Variants in SORCS2 observed in about 807,000 individuals in gnomAD.
The protein encoded by SORCS2 is sortilin related VPS10 domain containing receptor 2, also known as VPS10 domain-containing receptor SorCS2.
SORCS2 carries 100 observed loss-of-function variants against 141.6 expected under a neutral mutation model. The observed-to-expected ratio is 0.71, with a 90% CI of 0.60 to 0.83. The LOEUF (loss-of-function observed/expected upper bound fraction) is 0.83. SORCS2 is among the 40% of genes least tolerant of loss of function. The pLI, the probability that SORCS2 is intolerant of heterozygous loss-of-function variation, is 0.00. For synonymous variants in SORCS2, 789 were observed against 676.9 expected (o/e 1.17, Z -2.57); for missense variants, 1,646 against 1,560.2 (o/e 1.05, Z -0.93).
At chr4:7,451,837 C>G (rs537466408) in intron 2 of SORCS2, among the ~76,000 whole-genome samples, 2 of 152,202 alleles carry the variant, frequency 1.3e-5, no homozygotes, top group African/African-American at 4.8e-5. Context: ...GATGCTGAAG[C>G]CCCTCCAGGC....
chr4:7,600,324 C>T (rs1017806875), intron 3 of SORCS2, among the ~76,000 whole-genome samples: 4 of 152,128 alleles, frequency 2.6e-5, no homozygotes, highest in African/African-American at 9.7e-5. Flanking sequence ...ATCAAGGTGT[C>T]GCTGCTACAG....
intron 2 of SORCS2, among the ~76,000 whole-genome samples, chr4:7,404,853 G>A (rs931115417): frequency 6.6e-6 from 1 of 152,012 alleles, no homozygotes; most frequent in African/African-American, 2.4e-5. Context: ...AAGCTTTTCA[G>A]TTTAATTAAG....
At chr4:7,443,902 C>T (rs33998463) in intron 2 of SORCS2, among the ~76,000 whole-genome samples, 5,130 of 152,338 alleles carry the variant, frequency 0.034, 121 homozygotes, top group Non-Finnish European at 0.057. Flanking sequence ...GCCTCCACCT[C>T]CCTGGCCTGG....
chr4:7,579,928 T>A (rs1716033483), intron 3 of SORCS2, among the ~76,000 whole-genome samples: 1 of 152,162 alleles, frequency 6.6e-6, no homozygotes, highest in African/African-American at 2.4e-5. Context: ...TGGCATGATG[T>A]GTTCATGCAG....
At position 7,725,285 on chromosome 4, in the gene SORCS2, C is replaced by T; in HGVS notation, c.2743C>T (p.Gln915Ter). ...VFYWWIGHSL[Q>*]PLLSLDNSVT... ...CTACTGGTGGATCGGCCACAGCCTG[C>T]AGGTGCGCTGGCTTTGCCCCAACTC... The change falls in exon 20 of 27, where the codon CAG becomes TAG. Residue 915 changes from glutamine (Q) to a stop codon, truncating the protein, a stop_gained and splice_region_variant. Transcript: ENST00000507866. LOFTEE classifies it high-confidence loss of function. 6.2e-7 allele frequency: 1 copy of T among 1,612,438 alleles called. No individual in the cohort carries two copies. Among genetic ancestry groups the T allele is most frequent in the Non-Finnish European group, 8.5e-7 (1 of 1,179,252 alleles).
intron 8 of SORCS2, among the ~76,000 whole-genome samples, chr4:7,673,964 C>A (rs544884388): frequency 6.6e-6 from 1 of 152,326 alleles, no homozygotes; most frequent in African/African-American, 2.4e-5. Flanking sequence ...AGCAGAATGA[C>A]CAACGCCCGG....
At chr4:7,612,058 C>A (rs577066541) in intron 3 of SORCS2, among the ~76,000 whole-genome samples, 1 of 152,310 alleles carries the variant, frequency 6.6e-6, no homozygotes, top group Admixed American at 6.5e-5. Context: ...CGGAAGGTGA[C>A]ACATGTAGCT....
chr4:7,249,967 C>T (rs962757392), intron 1 of SORCS2, among the ~76,000 whole-genome samples: 2 of 152,122 alleles, frequency 1.3e-5, no homozygotes, highest in East Asian at 1.9e-4. Flanking sequence ...GTAGGCTGGA[C>T]GCGGTGGCTC....
intron 9 of SORCS2, among the ~76,000 whole-genome samples, chr4:7,682,105 A>G (rs1003743500): frequency 3.3e-5 from 5 of 152,200 alleles, no homozygotes; most frequent in African/African-American, 1.2e-4. Context: ...TTATAGGTCA[A>G]CTTAGTAACC....
At chr4:7,447,395 C>G (rs557525937) in intron 2 of SORCS2, among the ~76,000 whole-genome samples, 4 of 152,196 alleles carry the variant, frequency 2.6e-5, no homozygotes, top group Non-Finnish European at 5.9e-5. Flanking sequence ...GGCTAAGTCC[C>G]TGGCACATGG....
At chr4:7,462,277 G>C (rs4689754) in intron 2 of SORCS2, among the ~76,000 whole-genome samples, 88,882 of 152,106 alleles carry the variant, frequency 0.58, 27,719 homozygotes, top group African/African-American at 0.78. Flanking sequence ...AATCCCAAAT[G>C]TCTCACCTGT....
At chr4:7,566,356 T>C (rs1039225835) in intron 3 of SORCS2, among the ~76,000 whole-genome samples, 13 of 152,186 alleles carry the variant, frequency 8.5e-5, no homozygotes, top group African/African-American at 2.6e-4. Context: ...GTGATGATGA[T>C]GATGATGACT....
chr4:7,334,181 G>A (rs939258899), intron 1 of SORCS2, among the ~76,000 whole-genome samples: 1 of 152,184 alleles, frequency 6.6e-6, no homozygotes. Context: ...TGCCCACACA[G>A]GCATGTTGGG....
chr4:7,626,733 G>C (rs945860463), intron 3 of SORCS2, among the ~76,000 whole-genome samples: 2 of 152,136 alleles, frequency 1.3e-5, no homozygotes, highest in African/African-American at 4.8e-5. Context: ...TCCTGCGTTT[G>C]TTTTCCTTCC....
rs563160120 is a variant in SORCS2, at chr4:7,286,409, C to A, written c.480+93283C>A. On this transcript the variant is annotated intron_variant, in intron 1 of 26. Coordinates refer to ENST00000507866, the MANE Select transcript of SORCS2 (RefSeq NM_020777.3). This position sits in a 1 kb window ranked among gnomAD's most constrained non-coding sequence, Gnocchi z 4.1. The stretch of plus-strand genomic sequence containing the variant: ...TGGCCAGAACGGAGCAGGGTGTGGG[C>A]GAAGGGAGACGTCCTGGAAGGCAGC... 3.5e-4 allele frequency among the ~76,000 whole-genome samples: 53 copies of A among 152,234 alleles called. No homozygotes were observed. The highest frequency in any genetic ancestry group is 1.3e-3 in the African/African-American group (52 of 41,538).
intron 2 of SORCS2, among the ~76,000 whole-genome samples, chr4:7,409,673 C>G (rs997576694): frequency 6.6e-6 from 1 of 152,184 alleles, no homozygotes; most frequent in African/African-American, 2.4e-5. Flanking sequence ...AAGTTTTCTG[C>G]AGGCTCAGTG....
intron 18 of SORCS2, 94 bp downstream of exon 18, chr4:7,718,277 C>G: frequency 7.0e-7 from 1 of 1,427,486 alleles, no homozygotes; most frequent in South Asian, 1.3e-5. Flanking sequence ...GTCTCCTCCA[C>G]CTAGAAGTGG....
At chr4:7,704,057 T>G (rs1031050897) in intron 13 of SORCS2, 120 bp from the exon 14 acceptor site, 94 of 772,482 alleles carry the variant, frequency 1.2e-4, no homozygotes, top group Non-Finnish European at 2.0e-4. Flanking sequence ...TGGTATCACC[T>G]GCACTGGCAA....
At chr4:7,644,785 C>T (rs986441869) in intron 4 of SORCS2, among the ~76,000 whole-genome samples, 1 of 152,202 alleles carries the variant, frequency 6.6e-6, no homozygotes, top group African/African-American at 2.4e-5. Flanking sequence ...GAGTGGGAGG[C>T]GTGTCCTCAC....
Sources: allele counts gnomAD v4.1 joint callset (sites outside exome capture counted in the v4.1 genomes callset), GRCh38; gene constraint gnomAD v4.1.1; non-coding constraint Gnocchi (gnomAD v3.1); transcripts MANE v1.5; gene names NCBI Gene and HGNC (gene_info 2026-07-23, HGNC 2026-07-21).